The following KIZ variants were observed in gnomAD, a reference collection of about 807,000 sequenced individuals.
KIZ encodes the protein kizuna centrosomal protein.
KIZ carries 68 observed loss-of-function variants against 79.6 expected under a neutral mutation model. That is an observed-to-expected ratio of 0.85 (90% CI 0.70 to 1.05). KIZ has a LOEUF of 1.05. KIZ is among the 50% of genes least tolerant of loss of function. The pLI is 0.00. For synonymous variants in KIZ, 280 were observed against 281.8 expected (o/e 0.99, Z 0.06); for missense variants, 797 against 800.4 (o/e 1.00, Z 0.05).
At chr20:21,216,166 G>C (rs1469001705) in intron 9 of KIZ, among the ~76,000 whole-genome samples, 1 of 152,102 alleles carries the variant, frequency 6.6e-6, no homozygotes, top group African/African-American at 2.4e-5. Context: ...CATGTATTAG[G>C]CTTGTTTAGG....
intron 10 of KIZ, among the ~76,000 whole-genome samples, chr20:21,232,446 T>G (rs774150330): frequency 7.2e-5 from 11 of 152,258 alleles, no homozygotes; most frequent in Non-Finnish European, 1.2e-4. Flanking sequence ...GAGATCCATA[T>G]GCCTACATGT....
intron 11 of KIZ, among the ~76,000 whole-genome samples, chr20:21,243,717 T>C (rs2037295485): frequency 1.3e-5 from 2 of 152,198 alleles, no homozygotes; most frequent in South Asian, 4.1e-4. Flanking sequence ...AGCATTTATG[T>C]GACACTTGCA....
chr20:21,181,437 A>G (rs2034650213), intron 6 of KIZ, among the ~76,000 whole-genome samples: 1 of 152,140 alleles, frequency 6.6e-6, no homozygotes, highest in Non-Finnish European at 1.5e-5. Context: ...CACAAATTTG[A>G]ATTACTGAAA....
chr20:21,238,553 T>C (rs1310939593), intron 11 of KIZ, among the ~76,000 whole-genome samples: 2 of 152,168 alleles, frequency 1.3e-5, no homozygotes, highest in African/African-American at 4.8e-5. Context: ...CTGGCTGCTG[T>C]CTTGTCTGCT....
At chr20:21,155,124 C>T (rs982047035) in intron 4 of KIZ, among the ~76,000 whole-genome samples, 2 of 152,132 alleles carry the variant, frequency 1.3e-5, no homozygotes, top group East Asian at 1.9e-4. Flanking sequence ...AAAAGTTAAA[C>T]ATATAGTTAC....
intron 6 of KIZ, among the ~76,000 whole-genome samples, chr20:21,188,679 T>TATTC (rs2034989222): frequency 6.9e-6 from 1 of 145,052 alleles, no homozygotes; most frequent in Admixed American, 6.8e-5. Context: ...CATTTTATTT[T>TATTC]ATTTATTTAT....
At chr20:21,219,176 A>ATT (rs61279078) in intron 9 of KIZ, among the ~76,000 whole-genome samples, 49,075 of 152,162 alleles carry the variant, frequency 0.32, 8,017 homozygotes, top group East Asian at 0.42. Context: ...GAGCTGCCAT[A>ATT]TACCAGGTAG....
chr20:21,184,401 C>T (rs985253444), intron 6 of KIZ, among the ~76,000 whole-genome samples: 2 of 152,126 alleles, frequency 1.3e-5, no homozygotes, highest in Non-Finnish European at 2.9e-5. Context: ...TCCACCTGCT[C>T]GGCCTCCCAA....
intron 11 of KIZ, among the ~76,000 whole-genome samples, chr20:21,235,764 AC>A (rs1253460052): frequency 2.0e-5 from 3 of 150,784 alleles, no homozygotes; most frequent in Non-Finnish European, 4.5e-5. Flanking sequence ...AGCAGAAGTC[AC>A]CCCGCCACTG....
intron 3 of KIZ, among the ~76,000 whole-genome samples, chr20:21,141,505 C>G (rs1250356470): frequency 6.6e-6 from 1 of 151,524 alleles, no homozygotes; most frequent in African/African-American, 2.4e-5. Context: ...TTCCCAGGTT[C>G]TGAGAAGCCT....
intron 9 of KIZ, among the ~76,000 whole-genome samples, chr20:21,222,382 A>G (rs1301871622): frequency 6.6e-6 from 1 of 152,182 alleles, no homozygotes; most frequent in Admixed American, 6.5e-5. Context: ...AGGCATAAGT[A>G]CTTTATAACA....
intron 4 of KIZ, among the ~76,000 whole-genome samples, chr20:21,156,997 A>T (rs926345432): frequency 6.6e-6 from 1 of 152,162 alleles, no homozygotes; most frequent in Non-Finnish European, 1.5e-5. Context: ...GCTGATGCAC[A>T]CCTGCAGTCC....
intron 3 of KIZ, chr20:21,138,921 A>C: frequency 7.2e-6 from 1 of 139,192 alleles, no homozygotes; most frequent in Admixed American, 7.3e-5. Context: ...TCTTTCTTTC[A>C]ACCTCTTTTT....
chr20:21,127,702 T>C (rs1364418505), intron 1 of KIZ, among the ~76,000 whole-genome samples: 1 of 152,236 alleles, frequency 6.6e-6, no homozygotes, highest in South Asian at 2.1e-4. Flanking sequence ...GACACAGTTA[T>C]AGAGGCAAAT....
chr20:21,139,673 A>G (rs62218927), intron 3 of KIZ, among the ~76,000 whole-genome samples: 3,588 of 152,288 alleles, frequency 0.024, 72 homozygotes, highest in Middle Eastern at 0.037. Flanking sequence ...GGGAAGAATC[A>G]TCTTTTGTAA....
At chr20:21,132,929 A>G (rs1412430386) in intron 2 of KIZ, 2 of 152,224 alleles carry the variant, frequency 1.3e-5, no homozygotes, top group Non-Finnish European at 2.9e-5. Flanking sequence ...ATAAGCAGTG[A>G]ATAATATATT....
At chr20:21,207,735 G>A (rs1441548653) in intron 7 of KIZ, among the ~76,000 whole-genome samples, 1 of 151,978 alleles carries the variant, frequency 6.6e-6, no homozygotes, top group Non-Finnish European at 1.5e-5. Context: ...ACGGAGTCTT[G>A]TTCTGTTGCT....
At chr20:21,193,907 A>G (rs2035224583) in intron 6 of KIZ, 1 of 151,170 alleles carries the variant, frequency 6.6e-6, no homozygotes, top group African/African-American at 2.4e-5. Flanking sequence ...CTAATGCTAA[A>G]TGACGAGTTA....
intron 3 of KIZ, among the ~76,000 whole-genome samples, chr20:21,143,106 T>C (rs540415159): frequency 2.6e-5 from 4 of 152,198 alleles, no homozygotes; most frequent in South Asian, 2.1e-4. Flanking sequence ...AGCACAGATA[T>C]TGGAAAAAAA....
Sources: gnomAD v4.1 joint callset for allele counts (sites outside exome capture counted in the v4.1 genomes callset) on GRCh38, gnomAD v4.1.1 for gene constraint, MANE v1.5 for transcripts, NCBI Gene and HGNC (gene_info 2026-07-23, HGNC 2026-07-21) for gene names.